Variants in TCF4 observed in about 807,000 individuals in gnomAD.
TCF4 encodes the protein SL3-3 enhancer factor 2.
Under a neutral mutation model 82.1 loss-of-function variants are expected in TCF4, and 3 were observed. That is an observed-to-expected ratio of 0.04 (90% confidence interval 0.02 to 0.09). TCF4 has a LOEUF of 0.09. Among genes scored for constraint, TCF4 ranks in the 10% least tolerant of loss-of-function variants. The pLI, the probability that TCF4 is intolerant of heterozygous loss-of-function variation, is 1.00. For synonymous variants in TCF4, 276 were observed against 309.6 expected (o/e 0.89, Z 1.14); for missense variants, 518 against 852.7 (o/e 0.61, Z 4.89).
chr18:55,418,003 A>ATG (rs201657057), intron 5 of TCF4, among the ~76,000 whole-genome samples: 7,204 of 143,376 alleles, frequency 0.05, 182 homozygotes, highest in Non-Finnish European at 0.06. Context: ...TCTTGAGCAA[A>ATG]TGTGTGTGTG....
chr18:55,494,181 C>G (rs920235121), intron 3 of TCF4, among the ~76,000 whole-genome samples: 9 of 151,246 alleles, frequency 6.0e-5, no homozygotes, highest in African/African-American at 2.2e-4. Context: ...CACACACACA[C>G]AGATTAGTCA....
intron 3 of TCF4, among the ~76,000 whole-genome samples, chr18:55,475,576 T>A (rs1319635465): frequency 1.3e-5 from 2 of 152,304 alleles, no homozygotes; most frequent in East Asian, 3.9e-4. Flanking sequence ...TTGAAAAAAA[T>A]TAAAATACAA....
intron 6 of TCF4, among the ~76,000 whole-genome samples, chr18:55,377,559 C>T (rs1467238126): frequency 6.6e-6 from 1 of 152,168 alleles, no homozygotes; most frequent in Non-Finnish European, 1.5e-5. Context: ...TACAAATAGC[C>T]ACTTGGCCTA....
At chr18:55,255,908 C>A (rs971442140) in intron 14 of TCF4, among the ~76,000 whole-genome samples, 3 of 152,112 alleles carry the variant, frequency 2.0e-5, no homozygotes, top group African/African-American at 4.8e-5. Flanking sequence ...AAAAACATTT[C>A]TATTTTATAC....
At chr18:55,403,937 T>A in intron 5 of TCF4, 1 of 1,377,660 alleles carries the variant, frequency 7.3e-7, no homozygotes, top group African/African-American at 1.5e-5. Context: ...CCAAAACTAA[T>A]CAATCACAGG....
At chr18:55,310,821 C>T (rs72925081) in intron 8 of TCF4, among the ~76,000 whole-genome samples, 4,638 of 152,258 alleles carry the variant, frequency 0.03, 99 homozygotes, top group Non-Finnish European at 0.043. Flanking sequence ...TTTCTTCTTT[C>T]CACTTTATGT....
At chr18:55,454,302 A>G (rs1486750269) in intron 5 of TCF4, among the ~76,000 whole-genome samples, 5 of 152,216 alleles carry the variant, frequency 3.3e-5, no homozygotes, top group Non-Finnish European at 5.9e-5. Context: ...ATATAGTCCT[A>G]TAGAACAAAA....
Position 55,511,330 on chromosome 18 carries a change from T to TAAAAAAAAAAAAAAAAAAAA in TCF4, c.146-47194_146-47193insTTTTTTTTTTTTTTTTTTTT, listed in dbSNP as rs751932079. ...TAGGTAATAGAGTAATTCCAAAAGTTTAAAAAAAAAAAAAAAAAAAGCATT... is the reference window on the plus strand; with the variant it reads ...TAGGTAATAGAGTAATTCCAAAAGTTAAAAAAAAAAAAAAAAAAAATAAAAAAAAAAAAAAAAAAAGCATT... On this transcript the variant is annotated intron_variant, in intron 3 of 19. Coordinates refer to ENST00000354452, the MANE Select transcript of TCF4 (RefSeq NM_001083962.2). Among the ~76,000 whole-genome samples the TAAAAAAAAAAAAAAAAAAAA allele has an allele frequency of 4.1e-5, 3 of 73,072 alleles. 1 individual carries two copies. The highest frequency in any genetic ancestry group is 6.6e-5 in the Non-Finnish European group (2 of 30,178). The allele number at this position is 73,072 out of a possible 152,430, so 47.9% of individuals were successfully genotyped here. A position where few individuals can be genotyped will look rare whatever the true frequency, so the allele number is the denominator to read the frequency against.
chr18:55,281,937 T>G (rs1005729597), intron 8 of TCF4, among the ~76,000 whole-genome samples: 1 of 151,988 alleles, frequency 6.6e-6, no homozygotes, highest in African/African-American at 2.4e-5. Context: ...TTATAGTATG[T>G]AATTTCTATT....
intron 8 of TCF4, among the ~76,000 whole-genome samples, chr18:55,349,252 A>T (rs1178329632): frequency 1.3e-5 from 2 of 152,118 alleles, no homozygotes; most frequent in African/African-American, 2.4e-5. Flanking sequence ...CTTTTTCCTG[A>T]TAAGACTTAT....
intron 2 of TCF4, among the ~76,000 whole-genome samples, chr18:55,628,095 G>A (rs991344757): frequency 1.3e-5 from 2 of 152,102 alleles, no homozygotes; most frequent in African/African-American, 4.8e-5. Flanking sequence ...CTTCATAGAG[G>A]ACATTCAAGC....
intron 3 of TCF4, among the ~76,000 whole-genome samples, chr18:55,481,510 T>C (rs2096431539): frequency 6.6e-6 from 1 of 152,216 alleles, no homozygotes; most frequent in Non-Finnish European, 1.5e-5. Flanking sequence ...CTGTTGTCTG[T>C]GCTCCCTGCA....
At chr18:55,470,372 C>T (rs754853701) in intron 3 of TCF4, among the ~76,000 whole-genome samples, 1 of 152,158 alleles carries the variant, frequency 6.6e-6, no homozygotes, top group Non-Finnish European at 1.5e-5. Context: ...ACACCCAAAA[C>T]GTTTAGGTTA....
At chr18:55,555,151 G>A (rs192583212) in intron 3 of TCF4, among the ~76,000 whole-genome samples, 162 of 152,184 alleles carry the variant, frequency 1.1e-3, no homozygotes, top group Non-Finnish European at 1.9e-3. Context: ...GGAGGCAAGT[G>A]GCTGACTGTA....
At chr18:55,246,037 A>AT (rs1308944945) in intron 15 of TCF4, among the ~76,000 whole-genome samples, 1 of 152,178 alleles carries the variant, frequency 6.6e-6, no homozygotes, top group African/African-American at 2.4e-5. Flanking sequence ...GTAATATTGC[A>AT]TTTTTTTAAA....
chr18:55,588,909 T>TA (rs2147912821), upstream of TCF4, among the ~76,000 whole-genome samples: 1 of 152,268 alleles, frequency 6.6e-6, no homozygotes, highest in Non-Finnish European at 1.5e-5. Flanking sequence ...CTAGGCACGC[T>TA]AAGTCCCTGT....
At position 55,228,090 on chromosome 18, in the gene TCF4, C is replaced by CT. The variant is rs199826816; in HGVS notation, c.*5-61dup. Reference sequence around the variant, plus strand: ...ATATATTTGTAACAGAAAAAGTATGCTTTTTTTAAAAAAAATTCTTTTTCC... The same window carrying CT: ...ATATATTTGTAACAGAAAAAGTATGCTTTTTTTTAAAAAAAATTCTTTTTCC... On this transcript the variant is annotated intron_variant, in intron 19 of 19. Coordinates refer to ENST00000354452, the MANE Select transcript of TCF4 (RefSeq NM_001083962.2). 7.8e-4 allele frequency: 946 copies of CT among 1,206,884 alleles called. 5 individuals are homozygous for CT. Among genetic ancestry groups the CT allele is most frequent in the African/African-American group, 7.1e-3 (463 of 65,168 alleles). The allele number at this position is 1,206,884 out of a possible 1,614,324, so 74.8% of individuals were successfully genotyped here.
At chr18:55,302,843 G>C (rs2068761113) in intron 8 of TCF4, among the ~76,000 whole-genome samples, 1 of 152,160 alleles carries the variant, frequency 6.6e-6, no homozygotes, top group Admixed American at 6.5e-5. Context: ...GGGAATAGAG[G>C]AGGTCTCCTT....
chr18:55,314,762 T>C (rs2073640465), intron 8 of TCF4, among the ~76,000 whole-genome samples: 1 of 151,920 alleles, frequency 6.6e-6, no homozygotes. Context: ...AGTGTTTCCA[T>C]ACTGTGGATA....
Sources: gnomAD v4.1 joint callset for allele counts (sites outside exome capture counted in the v4.1 genomes callset) on GRCh38, gnomAD v4.1.1 for gene constraint, MANE v1.5 for transcripts, NCBI Gene and HGNC (gene_info 2026-07-23, HGNC 2026-07-21) for gene names.